The following PDGFRL variants were observed in gnomAD, a reference collection of about 807,000 sequenced individuals.
PDGFRL encodes the protein platelet derived growth factor receptor like, also known as platelet-derived growth factor receptor-like protein.
In PDGFRL, 46 loss-of-function variants were observed where a neutral mutation model predicts 37.2. The observed-to-expected ratio is 1.24, with a 90% CI of 0.98 to 1.58. The LOEUF (loss-of-function observed/expected upper bound fraction) is 1.58. Ranked by LOEUF, PDGFRL falls within the 40% of genes most tolerant of loss-of-function variation. The probability of loss-of-function intolerance (pLI) is 0.00; values close to 1 mark genes in which losing one functional copy is unlikely to be tolerated. For missense variants in PDGFRL, 692 were observed against 467.6 expected, an observed-to-expected ratio of 1.48 and a Z score of -4.43; for synonymous variants, 251 against 184.3, an observed-to-expected ratio of 1.36 and a Z score of -2.93.
Position 17,622,825 on chromosome 8 carries a change from G to A in PDGFRL, c.505+1623G>A, listed in dbSNP as rs111314573. Reference sequence around the variant, plus strand: ...GCTGGGTTCCCTGTTTGTAAGAGGCGTGAATTCCTGGCGGCTCCACCCCAT... The same window carrying A: ...GCTGGGTTCCCTGTTTGTAAGAGGCATGAATTCCTGGCGGCTCCACCCCAT... On this transcript the variant is annotated intron_variant, in intron 3 of 5. Coordinates refer to ENST00000251630, the MANE Select transcript of PDGFRL (RefSeq NM_001372073.1). Among the ~76,000 whole-genome samples the A allele has an allele frequency of 4.1e-3, 624 of 152,290 alleles. 3 individuals are homozygous for A. Among genetic ancestry groups the A allele is most frequent in the Non-Finnish European group, 6.6e-3 (451 of 68,028 alleles).
chr8:17,631,893 G>T (rs533401264), intron 4 of PDGFRL, among the ~76,000 whole-genome samples: 80 of 152,128 alleles, frequency 5.3e-4, no homozygotes, highest in Non-Finnish European at 1.1e-3. Context: ...CCCACTCCTT[G>T]TTCTGTCCCT....
intron 1 of PDGFRL, among the ~76,000 whole-genome samples, chr8:17,587,464 A>G (rs1279720042): frequency 6.6e-6 from 1 of 152,132 alleles, no homozygotes; most frequent in Admixed American, 6.5e-5. Context: ...CTTAATCCAG[A>G]GGTTCATTAA....
intron 5 of PDGFRL, among the ~76,000 whole-genome samples, chr8:17,639,067 A>C (rs900605262): frequency 2.0e-5 from 3 of 151,910 alleles, no homozygotes; most frequent in African/African-American, 7.2e-5. Flanking sequence ...CAAAACAAAC[A>C]AAAAGAATAG....
chr8:17,592,857 A>G (rs377229799), intron 2 of PDGFRL, among the ~76,000 whole-genome samples: 3 of 151,968 alleles, frequency 2.0e-5, no homozygotes, highest in East Asian at 3.9e-4. Context: ...AGCTTTCTCT[A>G]TTAATGTTTG....
chr8:17,619,093 A>C (rs763023811), intron 2 of PDGFRL, among the ~76,000 whole-genome samples: 1 of 152,194 alleles, frequency 6.6e-6, no homozygotes, highest in African/African-American at 2.4e-5. Flanking sequence ...CCCTATGCTA[A>C]ATGTAAACTG....
At chr8:17,614,282 T>G (rs1022765861) in intron 2 of PDGFRL, among the ~76,000 whole-genome samples, 3 of 152,228 alleles carry the variant, frequency 2.0e-5, no homozygotes, top group African/African-American at 7.2e-5. Context: ...TTTCTTTCTT[T>G]TTTAAAGAAA....
intron 2 of PDGFRL, among the ~76,000 whole-genome samples, chr8:17,618,361 C>G (rs968599305): frequency 1.3e-5 from 2 of 152,108 alleles, no homozygotes; most frequent in African/African-American, 2.4e-5. Flanking sequence ...TGGCCTGGGT[C>G]GACCATTTTT....
intron 2 of PDGFRL, among the ~76,000 whole-genome samples, chr8:17,593,186 G>C (rs1803979322): frequency 1.3e-5 from 2 of 152,066 alleles, no homozygotes; most frequent in African/African-American, 4.8e-5. Context: ...TTCCACACTT[G>C]AAGTGCGTAA....
chr8:17,595,231 C>A (rs990704578), intron 2 of PDGFRL, among the ~76,000 whole-genome samples: 5 of 152,192 alleles, frequency 3.3e-5, no homozygotes, highest in African/African-American at 1.2e-4. Context: ...TCCCAAATGC[C>A]AGAGGGAGCC....
At chr8:17,626,479 C>T (rs1219222478) in intron 3 of PDGFRL, among the ~76,000 whole-genome samples, 1 of 152,206 alleles carries the variant, frequency 6.6e-6, no homozygotes, top group African/African-American at 2.4e-5. Flanking sequence ...CCCAAGAACT[C>T]TTGGCTCATG....
intron 4 of PDGFRL, among the ~76,000 whole-genome samples, chr8:17,633,227 C>A (rs915898623): frequency 6.6e-6 from 1 of 152,110 alleles, no homozygotes; most frequent in Admixed American, 6.5e-5. Context: ...CCATGAGTTG[C>A]AGATCAGCTT....
In PDGFRL at chr8:17,634,290, G is replaced by A. The variant is rs527603323; in HGVS notation, c.939+77G>A. 4.1e-5 allele frequency: 49 copies of A among 1,209,604 alleles called. No individual in the cohort carries two copies. In the East Asian group the frequency reaches 8.5e-4, roughly 21 times the overall value. 74.9% of individuals were successfully genotyped at this position (1,209,604 alleles called of 1,614,324 possible). On this transcript the variant is annotated intron_variant, in intron 5 of 5. Coordinates refer to ENST00000251630, the MANE Select transcript of PDGFRL (RefSeq NM_001372073.1). ...GCCAGCCATTTTAATTCACAGCTTC[G>A]TCCCCACCCAGTGCTATATGCCATA...
chr8:17,637,715 C>T (rs968369019), intron 5 of PDGFRL, among the ~76,000 whole-genome samples: 4 of 152,042 alleles, frequency 2.6e-5, no homozygotes, highest in Non-Finnish European at 4.4e-5. Context: ...TTTTTGTTGG[C>T]AGTTTTTTAA....
chr8:17,605,161 G>A (rs1804246471), intron 2 of PDGFRL, among the ~76,000 whole-genome samples: 1 of 152,052 alleles, frequency 6.6e-6, no homozygotes, highest in South Asian at 2.1e-4. Flanking sequence ...GAGAGGGAAG[G>A]AAGGAGGGAG....
intron 5 of PDGFRL, among the ~76,000 whole-genome samples, chr8:17,635,159 C>T (rs1391663875): frequency 1.3e-5 from 2 of 152,014 alleles, no homozygotes; most frequent in Non-Finnish European, 2.9e-5. Flanking sequence ...TGATTTCAAT[C>T]GGTTTTTAAG....
chr8:17,603,163 T>C (rs2517180), intron 2 of PDGFRL, among the ~76,000 whole-genome samples: 143,401 of 152,096 alleles, frequency 0.94, 68,177 homozygotes, highest in East Asian at 1. Context: ...TTTGTGTTTT[T>C]AGTAGAGACG....
rs560330778 is a variant in PDGFRL, at chr8:17,618,601, G to A, written c.354-2450G>A. On this transcript the variant is annotated intron_variant, in intron 2 of 5. Transcript: ENST00000251630. ...GCTCACAAGCGATTCACAAGCTGTG[G>A]GTTTCAGGGAAGTCATTTCTGCTGT... is the stretch of plus-strand genomic sequence containing the variant. 7.2e-5 allele frequency among the ~76,000 whole-genome samples: 11 copies of A among 152,258 alleles called. No individual in the cohort carries two copies. The East Asian group carries it at 1.7e-3, about 24-fold the overall frequency.
At chr8:17,596,368 G>A (rs1804052915) in intron 2 of PDGFRL, 3 of 1,215,072 alleles carry the variant, frequency 2.5e-6, no homozygotes, top group Admixed American at 3.8e-5. Context: ...CCGCAGGACC[G>A]GCCCTGCCTC....
chr8:17,583,654 G>C (rs1803755034), intron 1 of PDGFRL, among the ~76,000 whole-genome samples: 1 of 152,158 alleles, frequency 6.6e-6, no homozygotes, highest in South Asian at 2.1e-4. Context: ...GGGGCCTAAT[G>C]GGAGGTGTTT....
Sources: gnomAD v4.1 joint callset for allele counts (sites outside exome capture counted in the v4.1 genomes callset) on GRCh38, gnomAD v4.1.1 for gene constraint, MANE v1.5 for transcripts, NCBI Gene and HGNC (gene_info 2026-07-23, HGNC 2026-07-21) for gene names.